The following SCN11A variants were observed in gnomAD, a reference collection of about 807,000 sequenced individuals.
SCN11A encodes the protein sodium voltage-gated channel alpha subunit 11.
A neutral mutation model predicts 162.2 loss-of-function variants in SCN11A; 122 were observed. That is an observed-to-expected ratio of 0.75 (90% confidence interval 0.65 to 0.87). The LOEUF (loss-of-function observed/expected upper bound fraction) is 0.87, where lower values mean the gene tolerates loss of function less well. Ranked by LOEUF, SCN11A falls within the 40% of genes least tolerant of loss-of-function variation. The probability of loss-of-function intolerance (pLI) is 0.00; values close to 1 mark genes in which losing one functional copy is unlikely to be tolerated. For missense variants in SCN11A, 2,015 were observed against 2,181.6 expected (o/e 0.92, Z 1.52); for synonymous variants, 758 against 751.5 (o/e 1.01, Z -0.14).
At chr3:38,864,151 G>A (rs74732633) in intron 27 of SCN11A, among the ~76,000 whole-genome samples, 6 of 152,018 alleles carry the variant, frequency 3.9e-5, no homozygotes, top group African/African-American at 7.3e-5. Flanking sequence ...AAAAAAACCC[G>A]AATCTGTCTG....
At chr3:38,858,119 C>G (rs1337102030) in intron 28 of SCN11A, among the ~76,000 whole-genome samples, 1 of 151,996 alleles carries the variant, frequency 6.6e-6, no homozygotes, top group African/African-American at 2.4e-5. Context: ...TTTTAAAAAA[C>G]CCAACAAAGT....
At chr3:38,887,852 A>G (rs2065429138) in intron 19 of SCN11A, among the ~76,000 whole-genome samples, 3 of 152,316 alleles carry the variant, frequency 2.0e-5, no homozygotes, top group Non-Finnish European at 2.9e-5. Context: ...CAACTCTGAC[A>G]TTATAAGGTC....
At chr3:38,916,891 C>T (rs2065968944) in intron 11 of SCN11A, among the ~76,000 whole-genome samples, 1 of 152,170 alleles carries the variant, frequency 6.6e-6, no homozygotes, top group African/African-American at 2.4e-5. Context: ...GAAAGATGAT[C>T]ACAGACCTGC....
Position 38,846,887 on chromosome 3 carries a change from G to A in SCN11A, c.5183C>T (p.Thr1728Ile). ...ACCTCTTTCCTCTTCCTTTCTCTTG[G>A]TGGTGGTGACTATGGGTTCATACAA... ...KKLYEPIVTTTKRKEEERGAA... is the reference protein window; with the variant it reads ...KKLYEPIVTTIKRKEEERGAA... The change falls in exon 30 of 30, where the codon ACC becomes ATC. Residue 1728 changes from threonine (T) to isoleucine (I), a missense_variant. Physicochemically the swap from Thr to Ile is moderately conservative, Grantham distance 89 (BLOSUM62 -1). Transcript: ENST00000302328. 6.2e-7 allele frequency: 1 copy of A among 1,614,036 alleles called. No homozygotes were observed. The highest frequency in any genetic ancestry group is 8.5e-7 in the Non-Finnish European group (1 of 1,180,000).
chr3:38,957,883 C>A (rs1053777170), intron 3 of SCN11A, among the ~76,000 whole-genome samples: 6 of 152,110 alleles, frequency 3.9e-5, no homozygotes, highest in Non-Finnish European at 7.4e-5. Context: ...GAAGAAATGA[C>A]GGAGGATGAA....
Position 38,846,837 on chromosome 3 carries a change from G to A in SCN11A, c.5233C>T (p.Arg1745Ter), listed in dbSNP as rs747783198. Residue 1745 changes from arginine to a stop codon, truncating the protein, a stop_gained, in exon 30 of 30, where the codon CGA becomes TGA. Transcript: ENST00000302328. LOFTEE classifies it low-confidence loss of function (END_TRUNC). ...RGAAIIQKAF[R>*]KYMMKVTKGD... The stretch of plus-strand genomic sequence containing the variant: ...TTGGTCACCTTCATCATGTACTTTC[G>A]AAAGGCCTTTTGAATAATAGCAGCA... The A allele has an allele frequency of 4.5e-5, 72 of 1,613,786 alleles. No homozygotes were observed. In the Admixed American group the frequency reaches 7.7e-4, roughly 17 times the overall value.
intron 13 of SCN11A, among the ~76,000 whole-genome samples, chr3:38,908,626 A>G (rs1323888142): frequency 6.6e-6 from 1 of 152,158 alleles, no homozygotes; most frequent in Non-Finnish European, 1.5e-5. Flanking sequence ...GTCCACCTCA[A>G]GCAAAGGCGC....
At chr3:38,867,793 AACTGGAGGGAACCTG>A (rs1430442409) in intron 26 of SCN11A, among the ~76,000 whole-genome samples, 1 of 152,132 alleles carries the variant, frequency 6.6e-6, no homozygotes, top group Non-Finnish European at 1.5e-5. Context: ...ATGGGTATGT[AACTGGAGGGAACCTG>A]ACTGGAGGTG....
At chr3:38,896,201 G>C (rs2065595087) in intron 18 of SCN11A, among the ~76,000 whole-genome samples, 1 of 152,136 alleles carries the variant, frequency 6.6e-6, no homozygotes, top group Non-Finnish European at 1.5e-5. Context: ...CTCTTCTCAT[G>C]GTTGCATAAT....
In SCN11A at chr3:38,910,083, C is replaced by T; in HGVS notation, c.1084G>A (p.Glu362Lys). 1 of 1,613,790 alleles carries T rather than the reference C, an allele frequency of 6.2e-7. No individual in the cohort carries two copies. The highest frequency in any genetic ancestry group is 8.5e-7 in the Non-Finnish European group (1 of 1,179,878). The change falls in exon 12 of 30, where the codon GAG (glutamate) becomes AAG (lysine). Residue 362 changes from glutamate to lysine, a missense_variant. Glu to Lys is a moderately conservative substitution (Grantham distance 56). Coordinates refer to ENST00000302328, the MANE Select transcript of SCN11A (RefSeq NM_001349253.2). ...TAGATAACCTGTTGATAAAGCTTCT[C>T]CCAGGAATCTTGGGTCATCAGCCGG... The part of the protein sequence containing the change: ...MFRLMTQDSW[E>K]KLYQQTLRTT...
intron 4 of SCN11A, 93 bp from the exon 5 acceptor site, chr3:38,950,462 G>A: frequency 7.6e-7 from 1 of 1,323,700 alleles, no homozygotes. Context: ...AAAGGATGGT[G>A]TCATAAGGAT....
At chr3:38,936,801 G>A (rs139729892) in intron 7 of SCN11A, among the ~76,000 whole-genome samples, 2,405 of 152,264 alleles carry the variant, frequency 0.016, 66 homozygotes, top group African/African-American at 0.056. Flanking sequence ...ACTGCCCAAG[G>A]TAAGTTATAG....
intron 2 of SCN11A, among the ~76,000 whole-genome samples, chr3:38,995,348 CT>C (rs965975106): frequency 2.0e-5 from 3 of 152,186 alleles, no homozygotes; most frequent in African/African-American, 7.2e-5. Flanking sequence ...TCTCCATCCC[CT>C]GACCTTGTGA....
At chr3:38,886,769 G>A (rs2065407378) in intron 19 of SCN11A, among the ~76,000 whole-genome samples, 1 of 151,964 alleles carries the variant, frequency 6.6e-6, no homozygotes, top group African/African-American at 2.4e-5. Flanking sequence ...GAAACTAAAA[G>A]ACATAAAGAA....
chr3:38,938,869 ATAT>A (rs1446369055), intron 7 of SCN11A, among the ~76,000 whole-genome samples: 2 of 151,830 alleles, frequency 1.3e-5, no homozygotes, highest in Non-Finnish European at 2.9e-5. Context: ...CCGGCCAAAA[ATAT>A]TATATTTTTA....
chr3:39,051,430 C>T (rs1318485983), intron 1 of SCN11A, among the ~76,000 whole-genome samples: 4 of 152,078 alleles, frequency 2.6e-5, no homozygotes, highest in African/African-American at 4.8e-5. Context: ...CCTCCAGCTC[C>T]ATCATGTCCC....
chr3:38,886,975 A>C (rs929650786), intron 19 of SCN11A, among the ~76,000 whole-genome samples: 1 of 152,154 alleles, frequency 6.6e-6, no homozygotes, highest in Non-Finnish European at 1.5e-5. Flanking sequence ...ACTTTGAGAC[A>C]ACCTGCATAT....
chr3:39,002,384 A>T (rs1477698140), intron 2 of SCN11A, among the ~76,000 whole-genome samples: 1 of 152,234 alleles, frequency 6.6e-6, no homozygotes, highest in Non-Finnish European at 1.5e-5. Flanking sequence ...AAGTAAAAAG[A>T]GCTGAGTTTC....
chr3:38,899,674 G>A (rs1441194316), intron 17 of SCN11A, among the ~76,000 whole-genome samples: 1 of 152,154 alleles, frequency 6.6e-6, no homozygotes, highest in Admixed American at 6.6e-5. Context: ...GGTCATCTCT[G>A]GCAGGAATGG....
Sources: allele counts gnomAD v4.1 joint callset (sites outside exome capture counted in the v4.1 genomes callset), GRCh38; gene constraint gnomAD v4.1.1; transcripts MANE v1.5; gene names NCBI Gene and HGNC (gene_info 2026-07-23, HGNC 2026-07-21).